KIFC3: variants seen among roughly 807,000 people sequenced by gnomAD.
KIFC3 encodes the protein kinesin-like protein KIFC3.
KIFC3 carries 60 observed loss-of-function variants against 101.8 expected under a neutral mutation model. The observed-to-expected ratio is 0.59, with a 90% CI of 0.48 to 0.73. The LOEUF is 0.73. Among genes scored for constraint, KIFC3 ranks in the 30% least tolerant of loss-of-function variants. The pLI, the probability that KIFC3 is intolerant of heterozygous loss-of-function variation, is 0.00. For synonymous variants in KIFC3, 476 were observed against 482.7 expected (o/e 0.99, Z 0.18); for missense variants, 966 against 1,137.1 (o/e 0.85, Z 2.16).
Position 57,798,187 on chromosome 16 carries a change from C to T in KIFC3, c.57G>A (p.Leu19=). 2 of 1,542,348 alleles carry T rather than the reference C, an allele frequency of 1.3e-6. No individual in the cohort carries two copies. The highest frequency in any genetic ancestry group is 1.7e-6 in the Non-Finnish European group (2 of 1,143,990). ...NLGATPSLRG[L]WRVGRAPEPE... ...GCTCCGGGGCCCGGCCCACTCTCCA[C>T]AGGCCCCGCAGCGAGGGCGTGGCTC... The change falls in exon 2 of 20, where the codon CTG becomes CTA. Residue 19 remains leucine, a synonymous_variant. Transcript: ENST00000445690.
At chr16:57,799,667 C>T (rs986240314) in intron 1 of KIFC3, among the ~76,000 whole-genome samples, 11 of 152,262 alleles carry the variant, frequency 7.2e-5, no homozygotes, top group South Asian at 2.1e-4. Flanking sequence ...GGGCCACCAA[C>T]GCCACAGGTG....
At chr16:57,759,702 C>T (rs782168022) in intron 18 of KIFC3, 26 bp downstream of exon 18, 4 of 1,567,010 alleles carry the variant, frequency 2.6e-6, no homozygotes, top group Non-Finnish European at 3.5e-6. Flanking sequence ...GGAGACTCCC[C>T]ACCCACACTG....
rs1046972879 is a variant in KIFC3 at position 57,802,040 on chromosome 16, A to C, written c.-40+330T>G. Among the ~76,000 whole-genome samples the C allele has an allele frequency of 3.9e-5, 6 of 152,192 alleles. No individual in the cohort carries two copies. The highest frequency in any genetic ancestry group is 3.9e-4 in the Admixed American group (6 of 15,288). ...GTGGGGAAGACGCCAGGAAGGGGAG[A>C]GGGCGGCGCCGATTGACAAGCCCAT... On this transcript the variant is annotated intron_variant, in intron 1 of 19. Transcript: ENST00000445690. The surrounding 1 kb of genome is among the most constrained non-coding windows in gnomAD (Gnocchi z 5.0).
At chr16:57,861,050 G>A (rs1398034509) in intron 1 of KIFC3, among the ~76,000 whole-genome samples, 1 of 152,078 alleles carries the variant, frequency 6.6e-6, no homozygotes, top group Non-Finnish European at 1.5e-5. Context: ...TGCTTATATA[G>A]GTTGTTAAGA....
intron 3 of KIFC3, among the ~76,000 whole-genome samples, chr16:57,781,048 T>C (rs1167275275): frequency 6.6e-6 from 1 of 151,942 alleles, no homozygotes; most frequent in Non-Finnish European, 1.5e-5. Flanking sequence ...CCGGTCACAG[T>C]GGCTCATGCC....
In KIFC3 at chr16:57,764,248, C is replaced by T; in HGVS notation, c.1513-1G>A. ...CCAGGGCCTGCACCTCCTGGAACACCTGGGAGGGTGGTGGGAGGGAGGCTG... is the reference window on the plus strand; with the variant it reads ...CCAGGGCCTGCACCTCCTGGAACACTTGGGAGGGTGGTGGGAGGGAGGCTG... On this transcript the variant is annotated splice_acceptor_variant, in intron 11 of 19. Transcript: ENST00000445690. LOFTEE classifies it high-confidence loss of function. 1 of 717,400 alleles carries T rather than the reference C, an allele frequency of 1.4e-6. No individual in the cohort carries two copies. Among genetic ancestry groups the T allele is most frequent in the Non-Finnish European group, 2.3e-6 (1 of 432,640 alleles). The allele number at this position is 717,400 out of a possible 1,614,324, so 44.4% of individuals were successfully genotyped here.
chr16:57,823,374 A>C (rs2055390795), intron 1 of KIFC3, among the ~76,000 whole-genome samples: 1 of 152,206 alleles, frequency 6.6e-6, no homozygotes, highest in African/African-American at 2.4e-5. Context: ...CCTAAAATGT[A>C]TACAAGCAAG....
chr16:57,762,087 G>C, intron 13 of KIFC3, 53 bp downstream of exon 13: 1 of 1,520,656 alleles, frequency 6.6e-7, no homozygotes, highest in Non-Finnish European at 8.8e-7. Flanking sequence ...CACCACCCCG[G>C]AGGACCCCAA....
intron 1 of KIFC3, among the ~76,000 whole-genome samples, chr16:57,844,610 G>C (rs2055880808): frequency 6.6e-6 from 1 of 152,048 alleles, no homozygotes; most frequent in African/African-American, 2.4e-5. Flanking sequence ...TGCCAGCCGG[G>C]GGCCTCCTCC....
intron 1 of KIFC3, among the ~76,000 whole-genome samples, chr16:57,799,976 G>A (rs967342689): frequency 5.9e-5 from 9 of 152,094 alleles, no homozygotes; most frequent in Non-Finnish European, 1.3e-4. Context: ...AGCTGGGGGA[G>A]GAAGCAGCCA....
chr16:57,823,803 G>GTGTGTT (rs1282049517), intron 1 of KIFC3, among the ~76,000 whole-genome samples: 2 of 143,514 alleles, frequency 1.4e-5, no homozygotes, highest in Non-Finnish European at 3.1e-5. Flanking sequence ...GTGTGTGTGT[G>GTGTGTT]TTTTTAGTAG....
At chr16:57,828,158 G>A (rs1033977394) in intron 1 of KIFC3, among the ~76,000 whole-genome samples, 3 of 152,184 alleles carry the variant, frequency 2.0e-5, no homozygotes, top group African/African-American at 7.2e-5. Context: ...GCCACTCTGC[G>A]CTCCTCCTCC....
chr16:57,798,215 A>G lies in KIFC3; in HGVS notation c.29T>C (p.Leu10Pro). Residue 10 changes from leucine to proline, a missense_variant, in exon 2 of 20, where the codon CTG (leucine) becomes CCG (proline). Physicochemically the swap from Leu to Pro is moderately conservative, Grantham distance 98. Coordinates refer to ENST00000445690, the MANE Select transcript of KIFC3 (RefSeq NM_001130100.2). ...GCCCCGCAGCGAGGGCGTGGCTCCCAGGTTCCACGTCCTGCGAGAGGGGAC... is the reference window on the plus strand; with the variant it reads ...GCCCCGCAGCGAGGGCGTGGCTCCCGGGTTCCACGTCCTGCGAGAGGGGAC... The part of the protein sequence containing the change: MVPSRRTWN[L>P]GATPSLRGLW... 6.5e-7 allele frequency: 1 copy of G among 1,548,408 alleles called. No homozygotes were observed. The highest frequency in any genetic ancestry group is 8.7e-7 in the Non-Finnish European group (1 of 1,146,932).
Position 57,769,439 on chromosome 16 carries a change from G to C in KIFC3, c.1218+156C>G, listed in dbSNP as rs2050879318. ...CCTGAGCAGTCTAGTTTCAAACAGG[G>C]CCTATAAGGGCAGCAGTAAGTGTCA... On this transcript the variant is annotated intron_variant, in intron 9 of 19. Transcript: ENST00000445690. The surrounding 1 kb of genome is among the most constrained non-coding windows in gnomAD (Gnocchi z 4.3). Among the ~76,000 whole-genome samples the C allele has an allele frequency of 6.6e-6, 1 of 152,198 alleles. No homozygotes were observed. The highest frequency in any genetic ancestry group is 2.4e-5 in the African/African-American group (1 of 41,448).
exon 1 of KIFC3, chr16:57,862,760 C>T (rs1210221161): frequency 1.6e-6 from 2 of 1,289,540 alleles, no homozygotes; most frequent in African/African-American, 1.5e-5. Flanking sequence ...AGCCTCCAAT[C>T]TGAGGGTTTC....
Position 57,769,238 on chromosome 16 carries a change from G to T in KIFC3, c.1218+357C>A, listed in dbSNP as rs1268447055. 6.6e-6 allele frequency among the ~76,000 whole-genome samples: 1 copy of T among 152,168 alleles called. No homozygotes were observed. Among genetic ancestry groups the T allele is most frequent in the Non-Finnish European group, 1.5e-5 (1 of 68,040 alleles). ...TTTAGTAGAGACGAAGTTTCGCCTT[G>T]TTGGCCAGGCTGGTCTCAAACTCCT... On this transcript the variant is annotated intron_variant, in intron 9 of 19. Transcript: ENST00000445690. This position sits in a 1 kb window ranked among gnomAD's most constrained non-coding sequence, Gnocchi z 4.3.
intron 1 of KIFC3, among the ~76,000 whole-genome samples, chr16:57,855,556 T>C (rs1457545881): frequency 6.6e-6 from 1 of 151,926 alleles, no homozygotes; most frequent in East Asian, 1.9e-4. Context: ...AATGCTTATC[T>C]TAGCAGAGAA....
chr16:57,766,221 C>G (rs1207463918), intron 10 of KIFC3, among the ~76,000 whole-genome samples: 1 of 152,210 alleles, frequency 6.6e-6, no homozygotes. Context: ...AAACACCCCC[C>G]ACTGCCAGCA....
At chr16:57,813,610 A>C in intron 1 of KIFC3, 1 of 890,356 alleles carries the variant, frequency 1.1e-6, no homozygotes, top group Non-Finnish European at 1.3e-6. Flanking sequence ...TCAAACCTGC[A>C]TGCCTGCCGA....
Sources: allele counts gnomAD v4.1 joint callset (sites outside exome capture counted in the v4.1 genomes callset), GRCh38; gene constraint gnomAD v4.1.1; non-coding constraint Gnocchi (gnomAD v3.1); transcripts MANE v1.5; gene names NCBI Gene and HGNC (gene_info 2026-07-23, HGNC 2026-07-21).